CADPS: variants seen among roughly 807,000 people sequenced by gnomAD.
CADPS encodes the protein calcium dependent secretion activator, also known as calcium-dependent secretion activator 1.
CADPS carries 57 observed loss-of-function variants against 167.3 expected under a neutral mutation model. The ratio of observed to expected loss-of-function variants is 0.34; its 90% CI spans 0.28 to 0.42. The LOEUF is 0.42. CADPS is among the 20% of genes least tolerant of loss of function. CADPS has a pLI of 1.00. For missense variants in CADPS, 1,414 were observed against 1,738.1 expected, an observed-to-expected ratio of 0.81 and a Z score of 3.32; for synonymous variants, 676 against 635.3, an observed-to-expected ratio of 1.06 and a Z score of -0.96.
chr3:62,722,795 G>A (rs1299385504), intron 3 of CADPS, among the ~76,000 whole-genome samples: 2 of 152,174 alleles, frequency 1.3e-5, no homozygotes, highest in Non-Finnish European at 2.9e-5. Context: ...ATTTGAGGTT[G>A]GGTAATTGTT....
At chr3:62,638,878 G>A (rs1374006316) in intron 6 of CADPS, among the ~76,000 whole-genome samples, 2 of 152,170 alleles carry the variant, frequency 1.3e-5, no homozygotes, top group African/African-American at 4.8e-5. Context: ...TTCAGGACTT[G>A]GAGAAGTTGG....
chr3:62,548,124 A>G (rs538711769), intron 11 of CADPS, among the ~76,000 whole-genome samples: 2 of 152,290 alleles, frequency 1.3e-5, no homozygotes, highest in African/African-American at 2.4e-5. Flanking sequence ...TACAGGGGGT[A>G]ACTTCTTTTC....
intron 11 of CADPS, among the ~76,000 whole-genome samples, chr3:62,547,769 C>G (rs562098192): frequency 6.6e-6 from 1 of 150,740 alleles, no homozygotes; most frequent in East Asian, 2.0e-4. Context: ...TATCCACAGA[C>G]AGAAATCTAA....
intron 17 of CADPS, 68 bp from the exon 18 acceptor site, chr3:62,499,336 A>G: frequency 1.1e-6 from 1 of 907,986 alleles, no homozygotes; most frequent in Non-Finnish European, 1.8e-6. Context: ...CATTAGAACT[A>G]GTGGATAAGA....
intron 24 of CADPS, among the ~76,000 whole-genome samples, chr3:62,472,300 T>G (rs1204785589): frequency 6.6e-6 from 1 of 152,192 alleles, no homozygotes; most frequent in Admixed American, 6.5e-5. Context: ...GTGAATACAC[T>G]AAAACTACAA....
rs890831544 is a variant in CADPS at position 62,421,677 on chromosome 3, G to A, written c.3777+16427C>T. Among the ~76,000 whole-genome samples the A allele has an allele frequency of 1.3e-5, 2 of 152,222 alleles. No homozygotes were observed. The highest frequency in any genetic ancestry group is 2.1e-4 in the South Asian group (1 of 4,830). ...CTTTTCCCCCCAAAGGAGGGGGAAG[G>A]GGGGACTTTGCCCAAGCCAAGGATT... is the stretch of plus-strand genomic sequence containing the variant. On this transcript the variant is annotated intron_variant, in intron 28 of 29. Transcript: ENST00000383710. The surrounding 1 kb of genome is among the most constrained non-coding windows in gnomAD (Gnocchi z 4.7).
intron 17 of CADPS, among the ~76,000 whole-genome samples, chr3:62,510,674 A>G (rs2067609545): frequency 6.6e-6 from 1 of 152,102 alleles, no homozygotes; most frequent in East Asian, 1.9e-4. Context: ...GTCTGACTAA[A>G]GGACTCAGCA....
At position 62,544,717 on chromosome 3, in the gene CADPS, G is replaced by C. The variant is rs1402345940; in HGVS notation, c.1966+5186C>G. ...GCTTACATTTCAAACCTAAGGTCAG[G>C]AAAATAACATGAAAAGTTGTACTAC... On this transcript the variant is annotated intron_variant, in intron 11 of 29. Transcript: ENST00000383710. This position sits in a 1 kb window ranked among gnomAD's most constrained non-coding sequence, Gnocchi z 4.4. 1 of 298,340 alleles carries C rather than the reference G, an allele frequency of 3.4e-6. No homozygotes were observed. The highest frequency in any genetic ancestry group is 2.3e-5 in the African/African-American group (1 of 43,984). The allele number at this position is 298,340 out of a possible 1,614,324, so 18.5% of individuals were successfully genotyped here. A position where few individuals can be genotyped will look rare whatever the true frequency, so the allele number is the denominator to read the frequency against.
At chr3:62,482,823 T>C (rs1262218568) in intron 21 of CADPS, among the ~76,000 whole-genome samples, 1 of 152,204 alleles carries the variant, frequency 6.6e-6, no homozygotes, top group Non-Finnish European at 1.5e-5. Context: ...TCTGTATTTT[T>C]CTGTAAAAAG....
Position 62,465,480 on chromosome 3 carries a change from T to C in CADPS, c.3553-30A>G. The C allele has an allele frequency of 6.7e-7, 1 of 1,482,504 alleles. No homozygotes were observed. The highest frequency in any genetic ancestry group is 9.3e-7 in the Non-Finnish European group (1 of 1,069,942). 91.8% of individuals were successfully genotyped at this position (1,482,504 alleles called of 1,614,324 possible). ...AAAAACAGCAAAAAAGAAAAAAATG[T>C]TATTTCAAACTATAATTGTTCACCA... On this transcript the variant is annotated intron_variant, in intron 25 of 29. Coordinates refer to ENST00000383710, the MANE Select transcript of CADPS (RefSeq NM_003716.4). The surrounding 1 kb of genome is among the most constrained non-coding windows in gnomAD (Gnocchi z 4.1).
At chr3:62,519,221 C>T (rs2069794140) in intron 13 of CADPS, among the ~76,000 whole-genome samples, 1 of 152,146 alleles carries the variant, frequency 6.6e-6, no homozygotes, top group African/African-American at 2.4e-5. Flanking sequence ...TGGTGTGTCA[C>T]CATAAAACTT....
chr3:62,862,157 T>C (rs1299077825), intron 1 of CADPS, among the ~76,000 whole-genome samples: 6 of 151,912 alleles, frequency 3.9e-5, no homozygotes, highest in Non-Finnish European at 8.8e-5. Context: ...AAACACATAT[T>C]GACTCCATTA....
chr3:62,585,254 C>A lies in CADPS; in HGVS notation c.1508G>T (p.Cys503Phe). ...TTTGATTTTGAGATCTTGGTCGGGG[C>A]AGTTTTTGGAGACTGTCATTTTGTG... ...EWHKMTVSKNCPDQDLKIKLA... is the reference protein window; with the variant it reads ...EWHKMTVSKNFPDQDLKIKLA... The change falls in exon 8 of 30, where the codon TGC becomes TTC. Residue 503 changes from cysteine (C) to phenylalanine (F), a missense_variant. By Grantham distance (205) the Cys-to-Phe change is radical (BLOSUM62 -2). This residue lies in a region of CADPS where 157 missense variants were observed against 229.4 expected (regional missense o/e 0.68). Coordinates refer to ENST00000383710, the MANE Select transcript of CADPS (RefSeq NM_003716.4). 1 of 1,613,802 alleles carries A rather than the reference C, an allele frequency of 6.2e-7. No individual in the cohort carries two copies. The highest frequency in any genetic ancestry group is 8.5e-7 in the Non-Finnish European group (1 of 1,179,842).
At chr3:62,764,376 T>G (rs1258759974) in intron 2 of CADPS, among the ~76,000 whole-genome samples, 1 of 152,178 alleles carries the variant, frequency 6.6e-6, no homozygotes. Flanking sequence ...TTGACACTCA[T>G]TGGCGATAAT....
chr3:62,444,250 A>G (rs2056843962), intron 27 of CADPS, among the ~76,000 whole-genome samples: 1 of 152,200 alleles, frequency 6.6e-6, no homozygotes, highest in Non-Finnish European at 1.5e-5. Flanking sequence ...AGTGGAGCCC[A>G]ACGCTGATGT....
At position 62,445,808 on chromosome 3, in the gene CADPS, A is replaced by G. The variant is rs1279028744; in HGVS notation, c.3637-11T>C. 1 of 1,508,324 alleles carries G rather than the reference A, an allele frequency of 6.6e-7. No individual in the cohort carries two copies. The highest frequency in any genetic ancestry group is 2.5e-5 in the East Asian group (1 of 39,870). 93.4% of individuals were successfully genotyped at this position (1,508,324 alleles called of 1,614,324 possible). A position where few individuals can be genotyped will look rare whatever the true frequency, so the allele number is the denominator to read the frequency against. On this transcript the variant is annotated splice_polypyrimidine_tract_variant and intron_variant, in intron 26 of 29. Transcript: ENST00000383710. ...GGAAGCTGCCTTCACCTAAAGAGGA[A>G]AGAAGAGGATGGAAGTGAGGCTGGT...
At chr3:62,712,362 T>A (rs2083565258) in intron 3 of CADPS, among the ~76,000 whole-genome samples, 1 of 152,226 alleles carries the variant, frequency 6.6e-6, no homozygotes, top group East Asian at 1.9e-4. Flanking sequence ...CTAACACGGA[T>A]ATTGGTAGTC....
At chr3:62,868,856 G>A (rs758893907) in intron 1 of CADPS, among the ~76,000 whole-genome samples, 6 of 152,052 alleles carry the variant, frequency 3.9e-5, no homozygotes, top group Non-Finnish European at 5.9e-5. Flanking sequence ...CCTATATCTG[G>A]AGAGGACATT....
intron 3 of CADPS, among the ~76,000 whole-genome samples, chr3:62,665,860 G>T (rs2074305032): frequency 6.6e-6 from 1 of 152,228 alleles, no homozygotes; most frequent in Non-Finnish European, 1.5e-5. Context: ...ACCTGAGGTT[G>T]TCATGAGAAT....
Sources: allele counts gnomAD v4.1 joint callset (sites outside exome capture counted in the v4.1 genomes callset), GRCh38; gene constraint gnomAD v4.1.1; regional missense constraint gnomAD v4.1.1; non-coding constraint Gnocchi (gnomAD v3.1); transcripts MANE v1.5; gene names NCBI Gene and HGNC (gene_info 2026-07-23, HGNC 2026-07-21).